Variants in ATG5 observed in about 807,000 individuals in gnomAD.
ATG5 encodes the protein autophagy related 5.
In ATG5, 14 loss-of-function variants were observed where a neutral mutation model predicts 36.5. The observed-to-expected ratio is 0.38, with a 90% CI of 0.25 to 0.60. ATG5 has a LOEUF of 0.60. Ranked by LOEUF, ATG5 falls within the 20% of genes least tolerant of loss-of-function variation. ATG5 has a pLI of 0.60. For missense variants in ATG5, 195 were observed against 326.7 expected (o/e 0.60, Z 3.11); for synonymous variants, 95 against 101.5 (o/e 0.94, Z 0.38).
At chr6:106,259,880 C>T (rs551095644) in intron 5 of ATG5, among the ~76,000 whole-genome samples, 2 of 152,192 alleles carry the variant, frequency 1.3e-5, no homozygotes, top group East Asian at 3.9e-4. Flanking sequence ...CAATGATAGA[C>T]TGGATTAAGA....
At position 106,316,250 on chromosome 6, in the gene ATG5, T is replaced by C; in HGVS notation, c.-42A>G. The C allele has an allele frequency of 6.6e-7, 1 of 1,513,618 alleles. No homozygotes were observed. Among genetic ancestry groups the C allele is most frequent in the Non-Finnish European group, 9.1e-7 (1 of 1,095,370 alleles). 93.8% of individuals were successfully genotyped at this position (1,513,618 alleles called of 1,614,324 possible). ...GCAGTACATACAGGCTAAATTCTTA[T>C]TTCAACCAAAGCCAAACTGAAAATA... On this transcript the variant is annotated 5_prime_UTR_variant, in exon 2 of 8. Transcript: ENST00000369076.
chr6:106,248,097 T>G, intron 6 of ATG5, 53 bp downstream of exon 6: 2 of 1,385,188 alleles, frequency 1.4e-6, no homozygotes, highest in East Asian at 4.6e-5. Context: ...GTGCTTCAAT[T>G]AAGATGTCTG....
At chr6:106,205,708 A>T (rs184471627) in intron 6 of ATG5, among the ~76,000 whole-genome samples, 1 of 152,228 alleles carries the variant, frequency 6.6e-6, no homozygotes, top group Admixed American at 6.5e-5. Context: ...CCTTTCCCAA[A>T]TCTGAGCAAG....
rs375358794 is a variant in ATG5, at chr6:106,319,932, T to C, written c.-58-3666A>G. 8.5e-5 allele frequency among the ~76,000 whole-genome samples: 13 copies of C among 152,334 alleles called. No individual in the cohort carries two copies. In the East Asian group the frequency reaches 2.3e-3, roughly 27 times the overall value. ...AAAAAATGAGGTAAGCAGGTGAGATTAGATAATAAAAATTAGTTAACAGTA... is the reference window on the plus strand; with the variant it reads ...AAAAAATGAGGTAAGCAGGTGAGATCAGATAATAAAAATTAGTTAACAGTA... On this transcript the variant is annotated intron_variant, in intron 1 of 7. Transcript: ENST00000369076.
chr6:106,248,033 A>C, intron 6 of ATG5, 117 bp downstream of exon 6: 1 of 706,126 alleles, frequency 1.4e-6, no homozygotes, highest in Non-Finnish European at 2.3e-6. Context: ...CAGTTTGGAA[A>C]ACCCCTAATA....
chr6:106,247,573 G>A (rs1417225057), intron 6 of ATG5, among the ~76,000 whole-genome samples: 5 of 152,174 alleles, frequency 3.3e-5, no homozygotes, highest in African/African-American at 1.2e-4. Flanking sequence ...GGAATACAAG[G>A]TTATGTTTCC....
chr6:106,212,383 G>A (rs990374337), intron 6 of ATG5, among the ~76,000 whole-genome samples: 3 of 152,250 alleles, frequency 2.0e-5, no homozygotes, highest in Admixed American at 1.3e-4. Flanking sequence ...GCTCATGCCT[G>A]TAATTCCAGC....
intron 6 of ATG5, among the ~76,000 whole-genome samples, chr6:106,224,135 T>A (rs1000050530): frequency 5.3e-5 from 8 of 152,268 alleles, no homozygotes; most frequent in Non-Finnish European, 7.3e-5. Flanking sequence ...GAGCCAAGGC[T>A]ATTCCCAGGA....
At position 106,202,103 on chromosome 6, in the gene ATG5, GA is replaced by G; in HGVS notation, c.574-15del. ...TTCAGTCGTTGTCTATTTGAAAAAGGAAAAAATGATTCAAGCAATTAAGTCT... is the reference window on the plus strand; with the variant it reads ...TTCAGTCGTTGTCTATTTGAAAAAGGAAAAATGATTCAAGCAATTAAGTCT... On this transcript the variant is annotated splice_polypyrimidine_tract_variant and intron_variant, in intron 6 of 7. Coordinates refer to ENST00000369076, the MANE Select transcript of ATG5 (RefSeq NM_004849.4). 6.3e-7 allele frequency: 1 copy of G among 1,597,620 alleles called. No homozygotes were observed. The highest frequency in any genetic ancestry group is 8.6e-7 in the Non-Finnish European group (1 of 1,168,500).
At chr6:106,216,058 T>C (rs1047758147) in intron 6 of ATG5, among the ~76,000 whole-genome samples, 1 of 152,190 alleles carries the variant, frequency 6.6e-6, no homozygotes, top group African/African-American at 2.4e-5. Context: ...TACTCCTTCA[T>C]ACCCACTAAG....
chr6:106,279,312 A>G (rs578040530), intron 5 of ATG5, among the ~76,000 whole-genome samples: 32 of 152,336 alleles, frequency 2.1e-4, no homozygotes, highest in African/African-American at 7.2e-4. Flanking sequence ...GTATCTTTGT[A>G]CATACCCAGA....
intron 4 of ATG5, 102 bp downstream of exon 4, chr6:106,292,926 G>A (rs1184889860): frequency 1.1e-6 from 1 of 906,340 alleles, no homozygotes; most frequent in East Asian, 2.5e-5. Context: ...AACAGTGTCA[G>A]GGGAAAAGCA....
At chr6:106,240,848 A>G (rs777652167) in intron 6 of ATG5, among the ~76,000 whole-genome samples, 5 of 152,202 alleles carry the variant, frequency 3.3e-5, no homozygotes, top group Non-Finnish European at 7.3e-5. Context: ...AACATAATGC[A>G]GCCATTAAAA....
intron 5 of ATG5, among the ~76,000 whole-genome samples, chr6:106,265,837 A>T (rs1443141787): frequency 6.6e-6 from 1 of 152,234 alleles, no homozygotes; most frequent in African/African-American, 2.4e-5. Context: ...TCTGAGACAC[A>T]GCTAAAGCAG....
intron 6 of ATG5, among the ~76,000 whole-genome samples, chr6:106,214,474 A>G (rs1266542593): frequency 1.3e-5 from 2 of 152,172 alleles, no homozygotes; most frequent in Non-Finnish European, 2.9e-5. Flanking sequence ...AATAATTAAC[A>G]TTTGAAAAGC....
At chr6:106,226,781 G>A (rs1300085695) in intron 6 of ATG5, among the ~76,000 whole-genome samples, 1 of 152,032 alleles carries the variant, frequency 6.6e-6, no homozygotes, top group Non-Finnish European at 1.5e-5. Flanking sequence ...ATAAATAGGA[G>A]TTACAAAAAA....
chr6:106,222,374 ATGT>A (rs553992262), intron 6 of ATG5, among the ~76,000 whole-genome samples: 138 of 152,338 alleles, frequency 9.1e-4, no homozygotes, highest in Non-Finnish European at 1.8e-3. Context: ...TTGAGACTTC[ATGT>A]TTTAATGTGA....
chr6:106,208,123 T>C (rs1776708372), intron 6 of ATG5, among the ~76,000 whole-genome samples: 1 of 152,164 alleles, frequency 6.6e-6, no homozygotes, highest in Non-Finnish European at 1.5e-5. Flanking sequence ...GTCCTGTTTC[T>C]GTCATTTATT....
intron 4 of ATG5, among the ~76,000 whole-genome samples, chr6:106,284,203 G>A (rs1420439364): frequency 6.6e-6 from 1 of 152,136 alleles, no homozygotes; most frequent in African/African-American, 2.4e-5. Flanking sequence ...ATATTACTAG[G>A]AATAGAACTG....
Sources: allele counts gnomAD v4.1 joint callset (sites outside exome capture counted in the v4.1 genomes callset), GRCh38; gene constraint gnomAD v4.1.1; transcripts MANE v1.5; gene names NCBI Gene and HGNC (gene_info 2026-07-23, HGNC 2026-07-21).